PIK3CB: variants seen among roughly 807,000 people sequenced by gnomAD.
PIK3CB encodes phosphatidylinositol 4,5-bisphosphate 3-kinase catalytic subunit beta isoform.
Under a neutral mutation model 136.8 loss-of-function variants are expected in PIK3CB, and 39 were observed. The ratio of observed to expected loss-of-function variants is 0.29; its 90% CI spans 0.22 to 0.37. The LOEUF is 0.37. PIK3CB is among the 10% of genes least tolerant of loss of function. PIK3CB has a pLI of 1.00. For synonymous variants in PIK3CB, 428 were observed against 436.6 expected, an observed-to-expected ratio of 0.98 and a Z score of 0.25; for missense variants, 868 against 1,275.4, an observed-to-expected ratio of 0.68 and a Z score of 4.87.
chr3:138,688,932 G>A lies in PIK3CB; in HGVS notation c.2079C>T (p.Val693=), dbSNP rs766677513. 6.2e-7 allele frequency: 1 copy of A among 1,613,846 alleles called. No individual in the cohort carries two copies. The highest frequency in any genetic ancestry group is 1.1e-5 in the South Asian group (1 of 91,070). ...TTCCCCGGCAGTATGCTTCAAGGAT[G>A]ACACCAAATTGTACTGAGACAGCAG... ...HIPAVSVQFG[V]ILEAYCRGSV... The change falls in exon 16 of 24, where the codon GTC becomes GTT. Residue 693 remains valine, a synonymous_variant. Transcript: ENST00000674063.
At chr3:138,746,695 TAAATAA>T (rs897532667) in intron 4 of PIK3CB, among the ~76,000 whole-genome samples, 1 of 151,610 alleles carries the variant, frequency 6.6e-6, no homozygotes, top group African/African-American at 2.4e-5. Flanking sequence ...AAAATAAAAA[TAAATAA>T]AAATAAAATT....
chr3:138,710,874 G>A (rs1004909950), intron 10 of PIK3CB, among the ~76,000 whole-genome samples: 5 of 151,786 alleles, frequency 3.3e-5, no homozygotes, highest in African/African-American at 4.8e-5. Flanking sequence ...CACGAGGTCA[G>A]GAGATCGAGA....
At chr3:138,720,366 T>C (rs968692666) in intron 8 of PIK3CB, among the ~76,000 whole-genome samples, 4 of 152,290 alleles carry the variant, frequency 2.6e-5, no homozygotes, top group South Asian at 4.2e-4. Context: ...CACTAAGACC[T>C]CTATTTCAAC....
chr3:138,825,934 T>G (rs755559538), intron 1 of PIK3CB: 57 of 1,557,640 alleles, frequency 3.7e-5, no homozygotes, highest in Middle Eastern at 2.4e-4. Flanking sequence ...ACAGCAAAAA[T>G]GACCCACCAA....
intron 21 of PIK3CB, among the ~76,000 whole-genome samples, chr3:138,662,999 G>A (rs1310420687): frequency 6.6e-6 from 1 of 152,118 alleles, no homozygotes; most frequent in Non-Finnish European, 1.5e-5. Context: ...ATAGGCATGG[G>A]CAAGGACTTC....
chr3:138,663,949 C>A lies in PIK3CB; in HGVS notation c.2753G>T (p.Gly918Val). The A allele has an allele frequency of 6.2e-7, 1 of 1,614,060 alleles. No individual in the cohort carries two copies. The highest frequency in any genetic ancestry group is 8.5e-7 in the Non-Finnish European group (1 of 1,180,000). Residue 918 changes from glycine (G) to valine (V), a missense_variant, in exon 21 of 24, where the codon GGT becomes GTT. Gly to Val is a moderately radical substitution (Grantham distance 109). This residue lies in a region of PIK3CB where 165 missense variants were observed against 295.4 expected (regional missense o/e 0.56). Coordinates refer to ENST00000674063, the MANE Select transcript of PIK3CB (RefSeq NM_006219.3). ...YCVASYVLGIGDRHSDNIMVK... is the reference protein window; with the variant it reads ...YCVASYVLGIVDRHSDNIMVK... ...CATGATGTTGTCACTATGTCTGTCA[C>A]CAATCCCAAGGACATAAGAAGCTAC...
chr3:138,708,260 T>C (rs1441761714), intron 10 of PIK3CB, among the ~76,000 whole-genome samples: 1 of 132,460 alleles, frequency 7.5e-6, no homozygotes, highest in Admixed American at 8.7e-5. Context: ...ATTTTTTCTT[T>C]TTCTTTTTTT....
At chr3:138,729,834 T>C (rs2044931877) in intron 8 of PIK3CB, among the ~76,000 whole-genome samples, 1 of 152,216 alleles carries the variant, frequency 6.6e-6, no homozygotes, top group Admixed American at 6.5e-5. Flanking sequence ...ATAATATAGA[T>C]ATAGCTATAC....
chr3:138,827,123 G>A (rs1005637056), intron 1 of PIK3CB, among the ~76,000 whole-genome samples: 6 of 151,998 alleles, frequency 3.9e-5, no homozygotes, highest in African/African-American at 1.4e-4. Flanking sequence ...AAATACGATT[G>A]AATACAGGAT....
Position 138,791,153 on chromosome 3 carries a change from G to GT in PIK3CB, c.-17+5309dup, listed in dbSNP as rs148239038. On this transcript the variant is annotated intron_variant, in intron 2 of 23. Coordinates refer to ENST00000674063, the MANE Select transcript of PIK3CB (RefSeq NM_006219.3). ...ACTTCAAACATCTGACCTCATGGTTGTTTTTTTTTTGAGATGTCTTGCTGT... is the reference window on the plus strand; with the variant it reads ...ACTTCAAACATCTGACCTCATGGTTGTTTTTTTTTTTGAGATGTCTTGCTGT... Among the ~76,000 whole-genome samples, 860 of 145,798 alleles carry GT rather than the reference G, an allele frequency of 5.9e-3. 8 individuals are homozygous for GT. Among genetic ancestry groups the GT allele is most frequent in the African/African-American group, 0.02 (783 of 39,930 alleles).
chr3:138,831,827 A>AGGG (rs1267197812), intron 1 of PIK3CB, among the ~76,000 whole-genome samples: 1 of 152,106 alleles, frequency 6.6e-6, no homozygotes, highest in Non-Finnish European at 1.5e-5. Context: ...TTGGAGGCTG[A>AGGG]GGCAGGAGAA....
intron 12 of PIK3CB, among the ~76,000 whole-genome samples, chr3:138,703,563 TGTAG>T (rs2044299569): frequency 6.6e-6 from 1 of 150,762 alleles, no homozygotes; most frequent in African/African-American, 2.5e-5. Context: ...TATATATATA[TGTAG>T]ATATAGATAT....
chr3:138,705,173 AC>A (rs58511488), intron 11 of PIK3CB, among the ~76,000 whole-genome samples: 5,415 of 88,038 alleles, frequency 0.062, 1,221 homozygotes, highest in East Asian at 0.3. Context: ...AAAAAAAAAA[AC>A]AAAAAACAAA....
chr3:138,807,341 G>A (rs1368530376), intron 1 of PIK3CB, among the ~76,000 whole-genome samples: 1 of 152,164 alleles, frequency 6.6e-6, no homozygotes, highest in Non-Finnish European at 1.5e-5. Context: ...GGCTGAGGCA[G>A]AAGAATCACT....
At chr3:138,764,775 G>A (rs145211326) in intron 2 of PIK3CB, among the ~76,000 whole-genome samples, 63 of 152,142 alleles carry the variant, frequency 4.1e-4, no homozygotes, top group African/African-American at 1.5e-3. Flanking sequence ...TTCCTAAGAT[G>A]TCTTCAGCTC....
chr3:138,717,074 T>C (rs2108591919), intron 8 of PIK3CB, among the ~76,000 whole-genome samples: 1 of 150,684 alleles, frequency 6.6e-6, no homozygotes, highest in African/African-American at 2.4e-5. Context: ...GCCAACATGG[T>C]AAAACTCGGT....
intron 21 of PIK3CB, among the ~76,000 whole-genome samples, chr3:138,662,691 A>T (rs1251803151): frequency 4.6e-5 from 7 of 151,296 alleles, no homozygotes; most frequent in Non-Finnish European, 8.8e-5. Flanking sequence ...CGCCACACTG[A>T]CTTCCACAAT....
intron 12 of PIK3CB, among the ~76,000 whole-genome samples, chr3:138,701,784 CAAAA>C (rs560982900): frequency 7.3e-5 from 4 of 54,920 alleles, no homozygotes; most frequent in Admixed American, 2.1e-4. Context: ...GACTCTGTCT[CAAAA>C]AAAAAAAAAA....
rs1482954919 is a variant in PIK3CB at position 138,689,209 on chromosome 3, T to C, written c.2037-235A>G. On this transcript the variant is annotated intron_variant, in intron 15 of 23. Transcript: ENST00000674063. Reference sequence around the variant, plus strand: ...AATCTCCACCCACCGGGTTCAAGCTTGCCTAAAATAAAAAAGTGTAGCTAG... The same window carrying C: ...AATCTCCACCCACCGGGTTCAAGCTCGCCTAAAATAAAAAAGTGTAGCTAG... 2.6e-5 allele frequency among the ~76,000 whole-genome samples: 4 copies of C among 152,060 alleles called. No homozygotes were observed. The East Asian group carries it at 7.7e-4, about 29-fold the overall frequency.
Sources: allele counts gnomAD v4.1 joint callset (sites outside exome capture counted in the v4.1 genomes callset), GRCh38; gene constraint gnomAD v4.1.1; regional missense constraint gnomAD v4.1.1; transcripts MANE v1.5; gene names NCBI Gene and HGNC (gene_info 2026-07-23, HGNC 2026-07-21).